Variants in FHIP1A observed in about 807,000 individuals in gnomAD.
FHIP1A encodes FHF complex subunit HOOK interacting protein 1A.
FHIP1A carries 61 observed loss-of-function variants against 88.6 expected under a neutral mutation model. That is an observed-to-expected ratio of 0.69 (90% CI 0.56 to 0.85). The LOEUF (loss-of-function observed/expected upper bound fraction) is 0.85. Among genes scored for constraint, FHIP1A ranks in the 40% least tolerant of loss-of-function variants. The pLI is 0.00. For missense variants in FHIP1A, 1,154 were observed against 1,273.5 expected, an observed-to-expected ratio of 0.91 and a Z score of 1.43; for synonymous variants, 478 against 496.0, an observed-to-expected ratio of 0.96 and a Z score of 0.48.
intron 3 of FHIP1A, among the ~76,000 whole-genome samples, chr4:151,504,219 A>C (rs1194105443): frequency 6.6e-6 from 1 of 152,226 alleles, no homozygotes; most frequent in Non-Finnish European, 1.5e-5. Context: ...ACTTATCCTC[A>C]AACATTTATC....
chr4:151,507,442 T>C (rs1730874014), intron 3 of FHIP1A, among the ~76,000 whole-genome samples: 1 of 152,120 alleles, frequency 6.6e-6, no homozygotes, highest in South Asian at 2.1e-4. Flanking sequence ...TAAGAAAAAA[T>C]GTGAAAAGTT....
intron 7 of FHIP1A, among the ~76,000 whole-genome samples, chr4:151,595,191 CT>C (rs1734600702): frequency 6.6e-6 from 1 of 152,176 alleles, no homozygotes; most frequent in African/African-American, 2.4e-5. Context: ...CTGAACACTG[CT>C]TTAGCTGTGT....
intron 3 of FHIP1A, among the ~76,000 whole-genome samples, chr4:151,527,833 CT>C (rs1176109684): frequency 6.6e-6 from 1 of 152,134 alleles, no homozygotes; most frequent in Non-Finnish European, 1.5e-5. Flanking sequence ...ACAAGGTTTA[CT>C]AGCTTCAAAG....
Position 151,517,878 on chromosome 4 carries a change from C to A in FHIP1A, c.-123+35230C>A, listed in dbSNP as rs562196932. On this transcript the variant is annotated intron_variant, in intron 3 of 13. Transcript: ENST00000435205. ...AAGAAAATATTTTTGTACAGCTGTACAATCTGTGTTTTAGGCAAAGTGTTA... is the reference window on the plus strand; with the variant it reads ...AAGAAAATATTTTTGTACAGCTGTAAAATCTGTGTTTTAGGCAAAGTGTTA... Among the ~76,000 whole-genome samples, 3 of 152,038 alleles carry A rather than the reference C, an allele frequency of 2.0e-5. No individual in the cohort carries two copies. In the East Asian group the frequency reaches 5.8e-4, roughly 29 times the overall value.
intron 11 of FHIP1A, among the ~76,000 whole-genome samples, chr4:151,653,568 C>T (rs568729166): frequency 1.3e-5 from 2 of 152,120 alleles, no homozygotes; most frequent in African/African-American, 2.4e-5. Context: ...TGAGTTGATA[C>T]ATGAAAAGTA....
intron 7 of FHIP1A, among the ~76,000 whole-genome samples, chr4:151,617,867 CAG>C (rs887222409): frequency 2.6e-5 from 4 of 152,116 alleles, no homozygotes; most frequent in African/African-American, 7.2e-5. Flanking sequence ...GCCTGGGTGA[CAG>C]AGAGAGACTC....
chr4:151,558,146 G>A (rs1438447455), intron 3 of FHIP1A, among the ~76,000 whole-genome samples: 1 of 152,152 alleles, frequency 6.6e-6, no homozygotes. Flanking sequence ...TTATTTACAG[G>A]TGCATAATAA....
chr4:151,597,773 C>T (rs1029462224), intron 7 of FHIP1A, among the ~76,000 whole-genome samples: 2 of 152,172 alleles, frequency 1.3e-5, no homozygotes, highest in Admixed American at 1.3e-4. Flanking sequence ...AGCAGATTTG[C>T]TGAGCTGCGG....
At chr4:151,506,224 A>AT (rs780837389) in intron 3 of FHIP1A, among the ~76,000 whole-genome samples, 1 of 152,182 alleles carries the variant, frequency 6.6e-6, no homozygotes, top group Non-Finnish European at 1.5e-5. Flanking sequence ...GGGGAATGAA[A>AT]TTGACCTCGG....
chr4:151,543,909 T>C (rs1732389985), intron 3 of FHIP1A, among the ~76,000 whole-genome samples: 1 of 152,220 alleles, frequency 6.6e-6, no homozygotes, highest in South Asian at 2.1e-4. Flanking sequence ...GTTGTATCTA[T>C]TTATTACTTC....
chr4:151,494,404 G>T (rs1730388936), intron 3 of FHIP1A, among the ~76,000 whole-genome samples: 1 of 152,082 alleles, frequency 6.6e-6, no homozygotes, highest in Non-Finnish European at 1.5e-5. Context: ...AGCTAGTTAT[G>T]CCAGTACCAT....
intron 2 of FHIP1A, among the ~76,000 whole-genome samples, chr4:151,458,434 G>T (rs1483687156): frequency 6.6e-6 from 1 of 152,056 alleles, no homozygotes; most frequent in Non-Finnish European, 1.5e-5. Context: ...TCTTCACCAG[G>T]TACTTTGGGA....
At chr4:151,414,445 C>G (rs937025968) in intron 1 of FHIP1A, among the ~76,000 whole-genome samples, 3 of 152,180 alleles carry the variant, frequency 2.0e-5, no homozygotes, top group African/African-American at 7.2e-5. Context: ...TTTGAAAATG[C>G]TTCAAATGGT....
chr4:151,634,191 C>G (rs1278662687), intron 8 of FHIP1A, among the ~76,000 whole-genome samples: 1 of 151,650 alleles, frequency 6.6e-6, no homozygotes, highest in African/African-American at 2.4e-5. Flanking sequence ...GAATAAAATA[C>G]TTAGGAATAA....
intron 7 of FHIP1A, among the ~76,000 whole-genome samples, chr4:151,592,776 A>C (rs1486673107): frequency 6.6e-6 from 1 of 152,138 alleles, no homozygotes; most frequent in African/African-American, 2.4e-5. Flanking sequence ...ATTAGATCCC[A>C]TTTATCAATT....
intron 3 of FHIP1A, among the ~76,000 whole-genome samples, chr4:151,491,772 ATAAACT>A (rs1484321833): frequency 6.6e-6 from 1 of 152,212 alleles, no homozygotes; most frequent in Non-Finnish European, 1.5e-5. Flanking sequence ...TAGAACTCAC[ATAAACT>A]TAAGGTAAAG....
intron 5 of FHIP1A, among the ~76,000 whole-genome samples, chr4:151,580,225 A>G (rs368898583): frequency 1.3e-5 from 2 of 152,172 alleles, no homozygotes; most frequent in East Asian, 3.8e-4. Flanking sequence ...CCAAGCCATT[A>G]TCTTATAAAA....
chr4:151,455,415 G>A (rs1215684829), intron 2 of FHIP1A, among the ~76,000 whole-genome samples: 1 of 152,120 alleles, frequency 6.6e-6, no homozygotes, highest in Non-Finnish European at 1.5e-5. Flanking sequence ...CCCTCAGCAG[G>A]GATCAGCTAC....
chr4:151,515,557 AT>A (rs1731200637), intron 3 of FHIP1A, among the ~76,000 whole-genome samples: 2 of 152,240 alleles, frequency 1.3e-5, no homozygotes, highest in South Asian at 4.1e-4. Flanking sequence ...AGAAAACCCC[AT>A]TGTTTCAGCC....
Sources: allele counts gnomAD v4.1 joint callset (sites outside exome capture counted in the v4.1 genomes callset), GRCh38; gene constraint gnomAD v4.1.1; transcripts MANE v1.5; gene names NCBI Gene and HGNC (gene_info 2026-07-23, HGNC 2026-07-21).